Variants in PPFIA2 observed in about 807,000 individuals in gnomAD.
PPFIA2 encodes PPFI scaffold protein A2.
Under a neutral mutation model 175.5 loss-of-function variants are expected in PPFIA2, and 46 were observed. That is an observed-to-expected ratio of 0.26 (90% CI 0.21 to 0.34). The LOEUF is 0.34. PPFIA2 is among the 10% of genes least tolerant of loss of function. The pLI, the probability that PPFIA2 is intolerant of heterozygous loss-of-function variation, is 1.00. For synonymous variants in PPFIA2, 568 were observed against 511.4 expected, an observed-to-expected ratio of 1.11 and a Z score of -1.49; for missense variants, 1,179 against 1,506.1, an observed-to-expected ratio of 0.78 and a Z score of 3.60.
intron 4 of PPFIA2, among the ~76,000 whole-genome samples, chr12:81,566,707 C>T (rs1332744884): frequency 6.6e-6 from 1 of 152,108 alleles, no homozygotes; most frequent in Non-Finnish European, 1.5e-5. Flanking sequence ...GGGGGATATA[C>T]ACTCATTGCA....
At chr12:81,368,022 G>T in intron 13 of PPFIA2, 1 of 1,023,954 alleles carries the variant, frequency 9.8e-7, no homozygotes, top group Non-Finnish European at 1.3e-6. Context: ...ATGTACTAAT[G>T]GAAAATGTCT....
intron 5 of PPFIA2, among the ~76,000 whole-genome samples, chr12:81,455,147 C>G (rs892391193): frequency 6.6e-6 from 1 of 152,170 alleles, no homozygotes; most frequent in Non-Finnish European, 1.5e-5. Flanking sequence ...AAAAGCACAA[C>G]ATCTAGAAAG....
intron 4 of PPFIA2, chr12:81,506,233 A>T (rs954705968): frequency 1.3e-5 from 2 of 152,202 alleles, no homozygotes; most frequent in African/African-American, 2.4e-5. Context: ...TTATTTGCTT[A>T]TGCCTATCAT....
intron 28 of PPFIA2, among the ~76,000 whole-genome samples, chr12:81,273,594 T>C (rs2039732868): frequency 6.6e-6 from 1 of 152,206 alleles, no homozygotes; most frequent in African/African-American, 2.4e-5. Flanking sequence ...TGGTGTCCTT[T>C]CTGTCTGTGC....
At chr12:81,401,271 A>G (rs1167752383) in intron 8 of PPFIA2, among the ~76,000 whole-genome samples, 2 of 152,312 alleles carry the variant, frequency 1.3e-5, no homozygotes, top group South Asian at 4.1e-4. Flanking sequence ...AATAAATAGA[A>G]TAAGCATTTA....
At chr12:81,343,101 C>T (rs143979800) in intron 19 of PPFIA2, among the ~76,000 whole-genome samples, 1 of 152,080 alleles carries the variant, frequency 6.6e-6, no homozygotes, top group African/African-American at 2.4e-5. Flanking sequence ...TCTAATATTA[C>T]ATTTCCTCAT....
intron 7 of PPFIA2, among the ~76,000 whole-genome samples, chr12:81,412,483 CT>C (rs1267203275): frequency 6.6e-6 from 1 of 151,788 alleles, no homozygotes; most frequent in Non-Finnish European, 1.5e-5. Context: ...ATTATCTTTT[CT>C]TTCCAGGTTT....
chr12:81,273,253 CTA>C (rs2039622423), intron 28 of PPFIA2, among the ~76,000 whole-genome samples: 1 of 152,130 alleles, frequency 6.6e-6, no homozygotes, highest in African/African-American at 2.4e-5. Flanking sequence ...TTTATTATTA[CTA>C]TGTTTTACAC....
In PPFIA2 at chr12:81,645,098, C is replaced by CA. The variant is rs573173599; in HGVS notation, c.303+31692dup. On this transcript the variant is annotated intron_variant, in intron 4 of 32. Transcript: ENST00000549396. The stretch of plus-strand genomic sequence containing the variant: ...AAACCTTCTAATATTAAACTAAGTA[C>CA]AGAGGAGTCATATACTAAGCACACT... Among the ~76,000 whole-genome samples the CA allele has an allele frequency of 4.1e-3, 614 of 151,030 alleles. 2 individuals are homozygous for CA. Among genetic ancestry groups the CA allele is most frequent in the African/African-American group, 0.014 (575 of 41,080 alleles).
intron 28 of PPFIA2, among the ~76,000 whole-genome samples, chr12:81,268,858 A>AT (rs1293224016): frequency 2.0e-5 from 3 of 152,190 alleles, no homozygotes; most frequent in South Asian, 2.1e-4. Flanking sequence ...AGACTAGAAG[A>AT]TTTTTTTTCA....
chr12:81,479,772 T>A (rs2146620860), intron 4 of PPFIA2, among the ~76,000 whole-genome samples: 1 of 151,936 alleles, frequency 6.6e-6, no homozygotes, highest in South Asian at 2.1e-4. Flanking sequence ...TGCAGAGAGA[T>A]CCGTGGTTAG....
intron 3 of PPFIA2, among the ~76,000 whole-genome samples, chr12:81,678,440 T>C (rs2072998420): frequency 1.3e-5 from 2 of 151,854 alleles, no homozygotes; most frequent in African/African-American, 2.4e-5. Flanking sequence ...GATGGTGTTA[T>C]AACTGTTTCT....
At chr12:81,422,839 G>A (rs893795832) in intron 7 of PPFIA2, among the ~76,000 whole-genome samples, 8 of 152,080 alleles carry the variant, frequency 5.3e-5, no homozygotes. Context: ...CTGGGATTAA[G>A]TTTCAAACCT....
chr12:81,415,829 T>A (rs911329826), intron 7 of PPFIA2, among the ~76,000 whole-genome samples: 1 of 151,432 alleles, frequency 6.6e-6, no homozygotes, highest in Non-Finnish European at 1.5e-5. Flanking sequence ...TAGCTATACT[T>A]TGTCATTGTT....
intron 25 of PPFIA2, 24 bp downstream of exon 25, chr12:81,284,217 T>C (rs1211099133): frequency 6.5e-7 from 1 of 1,530,908 alleles, no homozygotes; most frequent in Non-Finnish European, 9.0e-7. Flanking sequence ...TTCCTTCAGG[T>C]TCAACAAAGC....
At chr12:81,437,028 C>T (rs761444375) in intron 7 of PPFIA2, among the ~76,000 whole-genome samples, 8 of 152,052 alleles carry the variant, frequency 5.3e-5, no homozygotes, top group Non-Finnish European at 8.8e-5. Context: ...CACAGGAGTG[C>T]TAAAAAGTAA....
chr12:81,548,230 A>G (rs1175534013), intron 4 of PPFIA2, among the ~76,000 whole-genome samples: 1 of 152,164 alleles, frequency 6.6e-6, no homozygotes, highest in Non-Finnish European at 1.5e-5. Flanking sequence ...TTTACTGCCT[A>G]TATAGTAAGA....
chr12:81,648,284 G>C (rs1382592988), intron 4 of PPFIA2, among the ~76,000 whole-genome samples: 1 of 151,804 alleles, frequency 6.6e-6, no homozygotes, highest in East Asian at 1.9e-4. Flanking sequence ...CAGTTTAAAA[G>C]GGGAAAATTA....
At chr12:81,666,400 G>A (rs2070290445) in intron 4 of PPFIA2, among the ~76,000 whole-genome samples, 1 of 152,072 alleles carries the variant, frequency 6.6e-6, no homozygotes, top group African/African-American at 2.4e-5. Flanking sequence ...AGAAAATGTG[G>A]CACATATACA....
Sources: gnomAD v4.1 joint callset for allele counts (sites outside exome capture counted in the v4.1 genomes callset) on GRCh38, gnomAD v4.1.1 for gene constraint, MANE v1.5 for transcripts, NCBI Gene and HGNC (gene_info 2026-07-23, HGNC 2026-07-21) for gene names.